CTNNA3: variants seen among roughly 807,000 people sequenced by gnomAD.
The protein encoded by CTNNA3 is catenin alpha 3, also known as catenin alpha-3.
A neutral mutation model predicts 95.7 loss-of-function variants in CTNNA3; 76 were observed. The ratio of observed to expected loss-of-function variants is 0.79; its 90% CI spans 0.66 to 0.96. The LOEUF (loss-of-function observed/expected upper bound fraction) is 0.96, where lower values mean the gene tolerates loss of function less well. Among genes scored for constraint, CTNNA3 ranks in the 40% least tolerant of loss-of-function variants. CTNNA3 has a pLI of 0.00. For synonymous variants in CTNNA3, 431 were observed against 374.4 expected, an observed-to-expected ratio of 1.15 and a Z score of -1.74; for missense variants, 1,191 against 1,089.8, an observed-to-expected ratio of 1.09 and a Z score of -1.31.
chr10:66,360,780 T>TTCCTTC lies in CTNNA3; in HGVS notation c.1732+18371_1732+18372insGAAGGA, dbSNP rs1564897046. Among the ~76,000 whole-genome samples the TTCCTTC allele has an allele frequency of 2.5e-4, 14 of 56,966 alleles. 3 individuals are homozygous for TTCCTTC. The highest frequency in any genetic ancestry group is 5.0e-4 in the African/African-American group (8 of 16,126). The allele number at this position is 56,966 out of a possible 152,430, so 37.4% of individuals were successfully genotyped here. The stretch of plus-strand genomic sequence containing the variant: ...CCTTCCTTCCTTCCTTTTCTTTCTT[T>TTCCTTC]CTTTCTTCCTTCCTTCCTTCCTTCC... On this transcript the variant is annotated intron_variant, in intron 12 of 17. Transcript: ENST00000433211.
chr10:66,341,161 G>A (rs1016954781), intron 12 of CTNNA3, among the ~76,000 whole-genome samples: 11 of 151,808 alleles, frequency 7.2e-5, no homozygotes, highest in Admixed American at 2.0e-4. Flanking sequence ...AAAAGAAGAT[G>A]AAACAAGATG....
chr10:66,354,757 GCT>G (rs2092595914), intron 12 of CTNNA3, among the ~76,000 whole-genome samples: 1 of 151,930 alleles, frequency 6.6e-6, no homozygotes, highest in Non-Finnish European at 1.5e-5. Context: ...GTCACTGTGG[GCT>G]CTCTCTTCCC....
At chr10:66,826,241 T>C (rs1209345755) in intron 7 of CTNNA3, among the ~76,000 whole-genome samples, 4 of 152,198 alleles carry the variant, frequency 2.6e-5, no homozygotes, top group African/African-American at 9.6e-5. Context: ...ATAAACCTGC[T>C]AAACATGTCT....
In CTNNA3 at chr10:67,588,185, T is replaced by C. The variant is rs76965030; in HGVS notation, c.292+18672A>G. The stretch of plus-strand genomic sequence containing the variant: ...CCTTAAAATCAGTATTTTGAATTCT[T>C]CATCTGGGATTCTGATAATTTCTTT... On this transcript the variant is annotated intron_variant, in intron 3 of 17. Transcript: ENST00000433211. Among the ~76,000 whole-genome samples, 4,441 of 151,020 alleles carry C rather than the reference T, an allele frequency of 0.029. 450 individuals are homozygous for C. In the East Asian group the frequency reaches 0.37, roughly 13 times the overall value.
chr10:66,454,816 AG>A (rs1403676925), intron 11 of CTNNA3, among the ~76,000 whole-genome samples: 37 of 66,150 alleles, frequency 5.6e-4, no homozygotes, highest in African/African-American at 2.1e-3. Context: ...GAGGGAGAGG[AG>A]GGGGAGGAGG....
intron 13 of CTNNA3, among the ~76,000 whole-genome samples, chr10:66,158,564 T>C (rs1223564885): frequency 1.3e-5 from 2 of 152,184 alleles, no homozygotes; most frequent in Admixed American, 6.6e-5. Flanking sequence ...TATAGGATAG[T>C]TTGAAGTCAG....
At chr10:67,250,929 A>C (rs1866084332) in intron 5 of CTNNA3, among the ~76,000 whole-genome samples, 1 of 152,162 alleles carries the variant, frequency 6.6e-6, no homozygotes, top group African/African-American at 2.4e-5. Flanking sequence ...AGTTCCTCAA[A>C]ATGTTAGTCA....
chr10:67,485,706 G>A (rs531296870), intron 5 of CTNNA3, among the ~76,000 whole-genome samples: 2 of 152,126 alleles, frequency 1.3e-5, no homozygotes, highest in Non-Finnish European at 2.9e-5. Flanking sequence ...TCTCCCCTTT[G>A]AACAGGAGTA....
At chr10:67,365,650 G>T (rs559195949) in intron 5 of CTNNA3, among the ~76,000 whole-genome samples, 1 of 152,184 alleles carries the variant, frequency 6.6e-6, no homozygotes, top group Admixed American at 6.5e-5. Context: ...GGTCATCAGA[G>T]AAATGCAAAT....
At position 66,012,428 on chromosome 10, in the gene CTNNA3, T is replaced by G. The variant is rs555184366; in HGVS notation, c.2160-23631A>C. Among the ~76,000 whole-genome samples, 5 of 152,186 alleles carry G rather than the reference T, an allele frequency of 3.3e-5. No individual in the cohort carries two copies. In the South Asian group the frequency reaches 1.0e-3, roughly 32 times the overall value. On this transcript the variant is annotated intron_variant, in intron 15 of 17. Coordinates refer to ENST00000433211, the MANE Select transcript of CTNNA3 (RefSeq NM_013266.4). ...AAAAAGACAACTGTTACATTTAAAG[T>G]CCAGTTGGGGTTTTAAAAATCTGAC...
chr10:67,309,298 CCAT>C (rs1840686039), intron 5 of CTNNA3, among the ~76,000 whole-genome samples: 1 of 152,166 alleles, frequency 6.6e-6, no homozygotes, highest in African/African-American at 2.4e-5. Context: ...TACTCACTCA[CCAT>C]CATCAAGTGA....
In CTNNA3 at chr10:66,635,828, A is replaced by T. The variant is rs142803788; in HGVS notation, c.1282-14044T>A. 4.4e-4 allele frequency among the ~76,000 whole-genome samples: 67 copies of T among 152,260 alleles called. No homozygotes were observed. In the East Asian group the frequency reaches 7.5e-3, roughly 17 times the overall value. ...TTCTATCTTCGAAGACATCATAACA[A>T]TAATCTGTGAAACTATTTTTTTCCT... On this transcript the variant is annotated intron_variant, in intron 9 of 17. Coordinates refer to ENST00000433211, the MANE Select transcript of CTNNA3 (RefSeq NM_013266.4).
chr10:66,653,720 A>T (rs934904554), intron 9 of CTNNA3, among the ~76,000 whole-genome samples: 2 of 152,238 alleles, frequency 1.3e-5, no homozygotes, highest in African/African-American at 2.4e-5. Context: ...AAGCTATAGT[A>T]ATCAAAACAG....
chr10:67,539,064 T>C (rs1040002394), intron 4 of CTNNA3, among the ~76,000 whole-genome samples: 3 of 152,192 alleles, frequency 2.0e-5, no homozygotes, highest in African/African-American at 7.2e-5. Flanking sequence ...ATGCACTCTT[T>C]ATCCTGAATC....
intron 5 of CTNNA3, among the ~76,000 whole-genome samples, chr10:67,427,476 T>C (rs920351551): frequency 3.9e-5 from 6 of 152,064 alleles, no homozygotes; most frequent in Admixed American, 6.6e-5. Flanking sequence ...TGTCATGTTT[T>C]GGCCCCTTCT....
At chr10:66,861,980 C>G (rs1026895954) in intron 7 of CTNNA3, among the ~76,000 whole-genome samples, 4 of 152,026 alleles carry the variant, frequency 2.6e-5, no homozygotes, top group African/African-American at 7.3e-5. Context: ...TTTGGGAGGC[C>G]AAGGAAGGCT....
intron 15 of CTNNA3, among the ~76,000 whole-genome samples, chr10:66,015,052 G>A (rs192266727): frequency 1.3e-4 from 20 of 151,000 alleles, no homozygotes; most frequent in South Asian, 4.2e-4. Flanking sequence ...GCAGTGAGCC[G>A]AGATCACACC....
chr10:66,081,191 C>G (rs2080745851), intron 14 of CTNNA3, among the ~76,000 whole-genome samples: 1 of 152,068 alleles, frequency 6.6e-6, no homozygotes, highest in Non-Finnish European at 1.5e-5. Flanking sequence ...GTTTGCTTGC[C>G]TTGGGTAGAT....
intron 11 of CTNNA3, among the ~76,000 whole-genome samples, chr10:66,458,247 G>A (rs1028946967): frequency 6.6e-6 from 1 of 151,966 alleles, no homozygotes. Flanking sequence ...AACAAATTTT[G>A]GTACATTCAT....
Sources: allele counts gnomAD v4.1 joint callset (sites outside exome capture counted in the v4.1 genomes callset), GRCh38; gene constraint gnomAD v4.1.1; transcripts MANE v1.5; gene names NCBI Gene and HGNC (gene_info 2026-07-23, HGNC 2026-07-21).